The following LRRC7 variants were observed in gnomAD, a reference collection of about 807,000 sequenced individuals.
LRRC7 encodes the protein leucine-rich repeat-containing protein 7.
LRRC7 carries 23 observed loss-of-function variants against 175.7 expected under a neutral mutation model. That is an observed-to-expected ratio of 0.13 (90% CI 0.09 to 0.19). The LOEUF (loss-of-function observed/expected upper bound fraction) is 0.19, where lower values mean the gene tolerates loss of function less well. Among genes scored for constraint, LRRC7 ranks in the 10% least tolerant of loss-of-function variants. LRRC7 has a pLI of 1.00. For synonymous variants in LRRC7, 685 were observed against 680.9 expected, an observed-to-expected ratio of 1.01 and a Z score of -0.09; for missense variants, 1,354 against 1,904.7, an observed-to-expected ratio of 0.71 and a Z score of 5.38.
intron 1 of LRRC7, among the ~76,000 whole-genome samples, chr1:69,603,612 C>A (rs1647170761): frequency 6.6e-6 from 1 of 151,904 alleles, no homozygotes. Flanking sequence ...TGTCTAATAC[C>A]TTAATCCAGA....
chr1:70,086,391 T>C (rs998232054), intron 24 of LRRC7, among the ~76,000 whole-genome samples: 15 of 152,262 alleles, frequency 9.9e-5, no homozygotes, highest in African/African-American at 2.9e-4. Flanking sequence ...TCAAGTAAAG[T>C]AGAATTATGG....
At chr1:70,019,268 A>C (rs561436467) in intron 15 of LRRC7, among the ~76,000 whole-genome samples, 1 of 152,150 alleles carries the variant, frequency 6.6e-6, no homozygotes, top group African/African-American at 2.4e-5. Context: ...TCATGGTCTA[A>C]GTCAACCATA....
intron 2 of LRRC7, among the ~76,000 whole-genome samples, chr1:69,714,517 G>A (rs984129389): frequency 2.6e-5 from 4 of 152,146 alleles, no homozygotes; most frequent in Non-Finnish European, 5.9e-5. Context: ...CAATTGAAAG[G>A]AATCAGGAAA....
In LRRC7 at chr1:70,132,457, C is replaced by CTTTTT. The variant is rs149091576; in HGVS notation, c.*10592_*10596dup. Among the ~76,000 whole-genome samples, 33 of 76,452 alleles carry CTTTTT rather than the reference C, an allele frequency of 4.3e-4. No homozygotes were observed. The highest frequency in any genetic ancestry group is 1.3e-3 in the East Asian group (3 of 2,310). 50.2% of individuals were successfully genotyped at this position (76,452 alleles called of 152,430 possible). A position where few individuals can be genotyped will look rare whatever the true frequency, so the allele number is the denominator to read the frequency against. On this transcript the variant is annotated 3_prime_UTR_variant, in exon 27 of 27. Coordinates refer to ENST00000651989, the MANE Select transcript of LRRC7 (RefSeq NM_001370785.2). ...TTTCTTTTTTCTTTTCTTTTCTTTTCTTTTTTTTTTTTTTTTTTTTTTTTT... is the reference window on the plus strand; with the variant it reads ...TTTCTTTTTTCTTTTCTTTTCTTTTCTTTTTTTTTTTTTTTTTTTTTTTTTTTTTT...
chr1:69,948,449 C>A (rs1649568013), intron 8 of LRRC7, among the ~76,000 whole-genome samples: 1 of 152,086 alleles, frequency 6.6e-6, no homozygotes, highest in African/African-American at 2.4e-5. Context: ...TTATATTTTA[C>A]ACAATTCTAT....
chr1:70,073,768 T>C (rs534449272), intron 23 of LRRC7, among the ~76,000 whole-genome samples: 4 of 152,334 alleles, frequency 2.6e-5, no homozygotes, highest in Admixed American at 2.0e-4. Flanking sequence ...TGGAAGCAGA[T>C]ATAAACTTAA....
intron 7 of LRRC7, among the ~76,000 whole-genome samples, chr1:69,865,947 A>T (rs1174905910): frequency 2.0e-5 from 3 of 152,224 alleles, no homozygotes; most frequent in Non-Finnish European, 4.4e-5. Context: ...TTTGTGGCAG[A>T]TAGAAAGTTT....
In LRRC7 at chr1:70,023,189, C is replaced by T. The variant is rs1657698127; in HGVS notation, c.1609C>T (p.Leu537=). 6.3e-7 allele frequency: 1 copy of T among 1,578,652 alleles called. No individual in the cohort carries two copies. The highest frequency in any genetic ancestry group is 1.2e-5 in the South Asian group (1 of 85,682). The part of the protein sequence containing the change: ...QRGITLQPAR[L]SGDCCTPWAR... ...TGGGATTACTCTCCAACCTGCCAGACTGTCTGGCGATTGCTGCACACCATG... is the reference window on the plus strand; with the variant it reads ...TGGGATTACTCTCCAACCTGCCAGATTGTCTGGCGATTGCTGCACACCATG... Residue 537 remains leucine (L), a synonymous_variant, in exon 17 of 27, where the codon CTG becomes TTG. Transcript: ENST00000651989.
chr1:69,621,268 A>T (rs1569989278), intron 1 of LRRC7, among the ~76,000 whole-genome samples: 1 of 151,740 alleles, frequency 6.6e-6, no homozygotes, highest in African/African-American at 2.4e-5. Context: ...CTGGTCTCGA[A>T]CTCCCAACCT....
intron 16 of LRRC7, chr1:70,022,122 C>A (rs1158784258): frequency 5.3e-5 from 8 of 151,990 alleles, no homozygotes; most frequent in Non-Finnish European, 1.2e-4. Context: ...ATTCCCAAAT[C>A]CAAAATAACA....
chr1:69,999,531 AAATCAT>A (rs1478378306), intron 11 of LRRC7, among the ~76,000 whole-genome samples: 6 of 152,188 alleles, frequency 3.9e-5, no homozygotes, highest in Non-Finnish European at 7.3e-5. Context: ...AAGTAGGGAG[AAATCAT>A]TGCTTCAATT....
chr1:69,568,301 C>T lies in LRRC7; in HGVS notation c.-339C>T. Reference sequence around the variant, plus strand: ...GCCACCGCCGCCGCCGCCGCCGCTGCTGCTGCGGTCGCTAGCGCGGCGCGC... The same window carrying T: ...GCCACCGCCGCCGCCGCCGCCGCTGTTGCTGCGGTCGCTAGCGCGGCGCGC... On this transcript the variant is annotated 5_prime_UTR_variant, in exon 1 of 27. Coordinates refer to ENST00000651989, the MANE Select transcript of LRRC7 (RefSeq NM_001370785.2). 1 of 205,778 alleles carries T rather than the reference C, an allele frequency of 4.9e-6. No homozygotes were observed. Among genetic ancestry groups the T allele is most frequent in the South Asian group, 7.9e-5 (1 of 12,716 alleles). 12.7% of individuals were successfully genotyped at this position (205,778 alleles called of 1,614,324 possible).
chr1:70,003,452 T>C (rs1483868536), intron 11 of LRRC7, among the ~76,000 whole-genome samples: 1 of 152,176 alleles, frequency 6.6e-6, no homozygotes, highest in East Asian at 1.9e-4. Flanking sequence ...TTTTGAATCA[T>C]AGCAGTTGGT....
intron 3 of LRRC7, among the ~76,000 whole-genome samples, chr1:69,781,737 G>GAAAGAAAGAAAGAAAGAA (rs1557719595): frequency 6.9e-5 from 2 of 29,036 alleles, no homozygotes; most frequent in Non-Finnish European, 1.1e-4. Flanking sequence ...GAAAGAAAGA[G>GAAAGAAAGAAAGAAAGAA]AGAGAGAGAG....
chr1:69,838,546 T>C (rs1435708626), intron 7 of LRRC7, among the ~76,000 whole-genome samples: 5 of 151,896 alleles, frequency 3.3e-5, no homozygotes, highest in Non-Finnish European at 7.4e-5. Context: ...GCCAGAAAAG[T>C]ATTGCACTAA....
intron 25 of LRRC7, 42 bp from the exon 26 acceptor site, chr1:70,107,710 C>A: frequency 6.8e-7 from 1 of 1,472,376 alleles, no homozygotes; most frequent in South Asian, 1.1e-5. Flanking sequence ...AGGCCTGGTT[C>A]TTGGTAATAG....
At chr1:70,049,167 A>C (rs1660563358) in intron 22 of LRRC7, among the ~76,000 whole-genome samples, 1 of 152,168 alleles carries the variant, frequency 6.6e-6, no homozygotes, top group Admixed American at 6.6e-5. Flanking sequence ...ATCTTATCAT[A>C]GAATTTTGCA....
chr1:70,014,340 T>G (rs1656788715), intron 13 of LRRC7, among the ~76,000 whole-genome samples: 2 of 152,024 alleles, frequency 1.3e-5, no homozygotes, highest in Non-Finnish European at 2.9e-5. Flanking sequence ...ATTAATACTT[T>G]GAAGATACTT....
intron 8 of LRRC7, among the ~76,000 whole-genome samples, chr1:69,962,307 T>C (rs1437695880): frequency 1.3e-5 from 2 of 152,154 alleles, no homozygotes; most frequent in African/African-American, 4.8e-5. Flanking sequence ...TCAGAATGGC[T>C]ATTATTTAAA....
Sources: allele counts gnomAD v4.1 joint callset (sites outside exome capture counted in the v4.1 genomes callset), GRCh38; gene constraint gnomAD v4.1.1; transcripts MANE v1.5; gene names NCBI Gene and HGNC (gene_info 2026-07-23, HGNC 2026-07-21).